Variants in KCNQ3 observed in about 807,000 individuals in gnomAD.
KCNQ3 encodes the protein potassium voltage-gated channel subfamily Q member 3.
Under a neutral mutation model 92.5 loss-of-function variants are expected in KCNQ3, and 30 were observed. That is an observed-to-expected ratio of 0.32 (90% CI 0.24 to 0.44). The LOEUF (loss-of-function observed/expected upper bound fraction) is 0.44, where lower values mean the gene tolerates loss of function less well. Among genes scored for constraint, KCNQ3 ranks in the 20% least tolerant of loss-of-function variants. KCNQ3 has a pLI of 1.00. For missense variants in KCNQ3, 913 were observed against 1,140.3 expected, an observed-to-expected ratio of 0.80 and a Z score of 2.87; for synonymous variants, 450 against 468.8, an observed-to-expected ratio of 0.96 and a Z score of 0.52.
chr8:132,275,073 G>A (rs1488509425), intron 1 of KCNQ3, among the ~76,000 whole-genome samples: 1 of 152,090 alleles, frequency 6.6e-6, no homozygotes, highest in Non-Finnish European at 1.5e-5. Context: ...GTCAGCAGAG[G>A]GTTTTAAGTA....
intron 3 of KCNQ3, among the ~76,000 whole-genome samples, chr8:132,182,460 T>C (rs1341897713): frequency 6.6e-6 from 1 of 152,178 alleles, no homozygotes; most frequent in East Asian, 1.9e-4. Flanking sequence ...CAACACTAAG[T>C]AAGGACCGTG....
chr8:132,229,922 T>C (rs1224075645), intron 1 of KCNQ3, among the ~76,000 whole-genome samples: 1 of 152,134 alleles, frequency 6.6e-6, no homozygotes, highest in Non-Finnish European at 1.5e-5. Context: ...ATATATCAAC[T>C]CACATAATTG....
chr8:132,292,837 T>C (rs976342593), intron 1 of KCNQ3, among the ~76,000 whole-genome samples: 1 of 152,152 alleles, frequency 6.6e-6, no homozygotes, highest in Admixed American at 6.5e-5. Context: ...TCTAATCTGA[T>C]TGTGGATCAG....
In KCNQ3 at chr8:132,175,551, C is replaced by T; in HGVS notation, c.835G>A (p.Val279Ile). 2 of 1,614,100 alleles carry T rather than the reference C, an allele frequency of 1.2e-6. No individual in the cohort carries two copies. The highest frequency in any genetic ancestry group is 1.7e-6 in the Non-Finnish European group (2 of 1,180,002). Residue 279 changes from valine to isoleucine, a missense_variant, in exon 5 of 15, where the codon GTC becomes ATC. Val to Ile is a conservative substitution (Grantham distance 29). Around this residue, in one of 6 missense-constraint regions of KCNQ3, gnomAD observed 100 missense variants for 217.6 expected, o/e 0.46. Transcript: ENST00000388996. ...FLTLILSSFL[V>I]YLVEKDVPEV... ...GGGACGTCTTTCTCAACCAGGTAGA[C>T]AAGAAATGAAGAAAGGATGAGTGTC...
At chr8:132,292,895 T>C (rs7816227) in intron 1 of KCNQ3, among the ~76,000 whole-genome samples, 3,924 of 152,298 alleles carry the variant, frequency 0.026, 186 homozygotes, top group African/African-American at 0.089. Context: ...GAGGAAGGAA[T>C]GCTAAACAGA....
At chr8:132,168,620 C>T (rs1679830763) in intron 8 of KCNQ3, among the ~76,000 whole-genome samples, 1 of 151,992 alleles carries the variant, frequency 6.6e-6, no homozygotes, top group Non-Finnish European at 1.5e-5. Context: ...GTCATGGTCA[C>T]TGACTGGAAG....
At chr8:132,295,328 A>G (rs1242252198) in intron 1 of KCNQ3, among the ~76,000 whole-genome samples, 1 of 152,248 alleles carries the variant, frequency 6.6e-6, no homozygotes, top group African/African-American at 2.4e-5. Flanking sequence ...TCAAACCACA[A>G]TGAGATAACA....
intron 1 of KCNQ3, among the ~76,000 whole-genome samples, chr8:132,340,488 A>G (rs1393727199): frequency 6.6e-6 from 1 of 152,242 alleles, no homozygotes; most frequent in Non-Finnish European, 1.5e-5. Flanking sequence ...GGAAGCCATC[A>G]TTCGCAGCAA....
chr8:132,336,185 C>T (rs781271500), intron 1 of KCNQ3, among the ~76,000 whole-genome samples: 4 of 152,160 alleles, frequency 2.6e-5, no homozygotes, highest in Non-Finnish European at 5.9e-5. Context: ...ACTTTGGGAC[C>T]TACCCCAACC....
chr8:132,293,348 C>T (rs1816914195), intron 1 of KCNQ3, among the ~76,000 whole-genome samples: 1 of 152,030 alleles, frequency 6.6e-6, no homozygotes, highest in African/African-American at 2.4e-5. Flanking sequence ...GACTGAGCCC[C>T]CAACCTATGG....
chr8:132,326,461 C>T (rs1189634203), intron 1 of KCNQ3, among the ~76,000 whole-genome samples: 2 of 152,178 alleles, frequency 1.3e-5, no homozygotes, highest in African/African-American at 2.4e-5. Flanking sequence ...ATACTCACTC[C>T]CTCATCCACA....
intron 9 of KCNQ3, among the ~76,000 whole-genome samples, chr8:132,145,218 A>G (rs1459133011): frequency 6.6e-6 from 1 of 152,244 alleles, no homozygotes; most frequent in Non-Finnish European, 1.5e-5. Context: ...TTTGGGCCTG[A>G]AACTACCATG....
intron 1 of KCNQ3, among the ~76,000 whole-genome samples, chr8:132,388,796 T>C (rs1305433635): frequency 6.6e-6 from 1 of 152,246 alleles, no homozygotes; most frequent in African/African-American, 2.4e-5. Context: ...GGATTAGTAA[T>C]AGTTTTCACA....
At chr8:132,140,002 T>C (rs1825231273) in intron 11 of KCNQ3, 74 bp downstream of exon 11, 2 of 1,039,972 alleles carry the variant, frequency 1.9e-6, no homozygotes, top group Admixed American at 2.3e-5. Context: ...GATAATTTTA[T>C]AAGCCCCTTC....
At chr8:132,378,290 G>T (rs1819662514) in intron 1 of KCNQ3, among the ~76,000 whole-genome samples, 1 of 152,036 alleles carries the variant, frequency 6.6e-6, no homozygotes, top group African/African-American at 2.4e-5. Context: ...CTACTGGGAG[G>T]CTGATGCACG....
chr8:132,417,912 C>T (rs567845391), intron 1 of KCNQ3, among the ~76,000 whole-genome samples: 2 of 152,262 alleles, frequency 1.3e-5, no homozygotes, highest in East Asian at 3.9e-4. Context: ...TCTGGAGACC[C>T]ATGAGCCAGC....
chr8:132,446,921 G>A (rs1821693282), intron 1 of KCNQ3, among the ~76,000 whole-genome samples: 1 of 152,230 alleles, frequency 6.6e-6, no homozygotes, highest in Non-Finnish European at 1.5e-5. Flanking sequence ...TGAGTGGTGT[G>A]TGAGACAGCA....
intron 9 of KCNQ3, among the ~76,000 whole-genome samples, chr8:132,159,767 C>A (rs1357808357): frequency 6.6e-6 from 1 of 152,174 alleles, no homozygotes; most frequent in Non-Finnish European, 1.5e-5. Context: ...TGAACCAGTA[C>A]ACCTCCCTCA....
chr8:132,259,011 T>C (rs1815686973), intron 1 of KCNQ3, among the ~76,000 whole-genome samples: 1 of 152,032 alleles, frequency 6.6e-6, no homozygotes, highest in African/African-American at 2.4e-5. Context: ...TTAGTAACAA[T>C]AAACCATCCT....
Sources: gnomAD v4.1 joint callset for allele counts (sites outside exome capture counted in the v4.1 genomes callset) on GRCh38, gnomAD v4.1.1 for gene constraint, gnomAD v4.1.1 regional missense constraint, MANE v1.5 for transcripts, NCBI Gene and HGNC (gene_info 2026-07-23, HGNC 2026-07-21) for gene names.